UGT1A8: variants seen among roughly 807,000 people sequenced by gnomAD.
UGT1A8 encodes the protein UDP glucuronosyltransferase family 1 member A8.
UGT1A8 carries 39 observed loss-of-function variants against 45.3 expected under a neutral mutation model. The ratio of observed to expected loss-of-function variants is 0.86; its 90% CI spans 0.67 to 1.12. UGT1A8 has a LOEUF of 1.12. Ranked by LOEUF, UGT1A8 falls within the 50% of genes most tolerant of loss-of-function variation. UGT1A8 has a pLI of 0.00. For missense variants in UGT1A8, 719 were observed against 664.9 expected (o/e 1.08, Z -0.90); for synonymous variants, 275 against 249.2 (o/e 1.10, Z -0.97).
At chr2:233,666,948 C>T (rs2074091041) in intron 1 of UGT1A8, among the ~76,000 whole-genome samples, 2 of 152,242 alleles carry the variant, frequency 1.3e-5, no homozygotes, top group South Asian at 2.1e-4. Context: ...TGGTTTCCAG[C>T]TTCATCAATG....
intron 1 of UGT1A8, among the ~76,000 whole-genome samples, chr2:233,636,102 C>A (rs2073284505): frequency 6.6e-6 from 1 of 151,002 alleles, no homozygotes; most frequent in Admixed American, 6.7e-5. Flanking sequence ...ATGCCAATTT[C>A]TTTCTGGACA....
rs909756512 is a variant in UGT1A8 at position 233,724,934 on chromosome 2, C to T, written c.856-42100C>T. On this transcript the variant is annotated intron_variant, in intron 1 of 4. Coordinates refer to ENST00000373450, the MANE Select transcript of UGT1A8 (RefSeq NM_019076.5). ...ATTGAGCACTGAGTGAACGAGACTCCGTCTGCAATCCCGGCACCTCGGGAG... is the reference window on the plus strand; with the variant it reads ...ATTGAGCACTGAGTGAACGAGACTCTGTCTGCAATCCCGGCACCTCGGGAG... 1.0e-4 allele frequency among the ~76,000 whole-genome samples: 15 copies of T among 143,608 alleles called. 1 individual carries two copies. The highest frequency in any genetic ancestry group is 2.5e-4 in the South Asian group (1 of 4,034). 94.2% of individuals were successfully genotyped at this position (143,608 alleles called of 152,430 possible).
chr2:233,713,177 C>G, intron 1 of UGT1A8: 1 of 1,614,182 alleles, frequency 6.2e-7, no homozygotes, highest in Non-Finnish European at 8.5e-7. Context: ...TGGTCCTCAC[C>G]CTGGAGGTGA....
intron 1 of UGT1A8, chr2:233,750,587 G>A (rs1381403597): frequency 6.6e-6 from 1 of 151,948 alleles, no homozygotes; most frequent in East Asian, 1.9e-4. Flanking sequence ...AGGCCTGGAG[G>A]CCTAGGAAGG....
chr2:233,755,170 T>C (rs1240762958), intron 1 of UGT1A8: 2 of 1,262,070 alleles, frequency 1.6e-6, no homozygotes, highest in Non-Finnish European at 2.2e-6. Context: ...TCGGGGTTTT[T>C]GTCGGGGTGC....
Position 233,751,308 on chromosome 2 carries a change from C to T in UGT1A8, c.856-15726C>T, listed in dbSNP as rs184289670. ...CCCATTTGGAATGGGAATATTTACC[C>T]AATTTCTGTACCCCCATTGTGTCTT... On this transcript the variant is annotated intron_variant, in intron 1 of 4. Coordinates refer to ENST00000373450, the MANE Select transcript of UGT1A8 (RefSeq NM_019076.5). Among the ~76,000 whole-genome samples the T allele has an allele frequency of 1.2e-3, 189 of 152,106 alleles. 2 individuals carry two copies. Among genetic ancestry groups the T allele is most frequent in the African/African-American group, 4.3e-3 (176 of 41,336 alleles).
At chr2:233,689,405 C>T (rs1460955813) in intron 1 of UGT1A8, among the ~76,000 whole-genome samples, 1 of 152,192 alleles carries the variant, frequency 6.6e-6, no homozygotes, top group Non-Finnish European at 1.5e-5. Flanking sequence ...ACTTGAGACC[C>T]AATCTCTCTA....
chr2:233,766,941 CTT>C (rs1181613767), intron 1 of UGT1A8, 91 bp from the exon 2 acceptor site: 3 of 1,595,132 alleles, frequency 1.9e-6, no homozygotes, highest in African/African-American at 2.7e-5. Flanking sequence ...TAATCATAGT[CTT>C]AAGAGGAAGA....
intron 1 of UGT1A8, among the ~76,000 whole-genome samples, chr2:233,701,108 C>T (rs1258266340): frequency 1.3e-5 from 2 of 152,114 alleles, no homozygotes; most frequent in African/African-American, 4.8e-5. Flanking sequence ...TTTTCTTAAT[C>T]CAGTCTATCA....
intron 1 of UGT1A8, among the ~76,000 whole-genome samples, chr2:233,623,626 T>G (rs1409442399): frequency 6.6e-6 from 1 of 152,164 alleles, no homozygotes; most frequent in African/African-American, 2.4e-5. Flanking sequence ...CAGTAAAAAT[T>G]TTTTAATATT....
chr2:233,736,955 C>T (rs954996490), intron 1 of UGT1A8, among the ~76,000 whole-genome samples: 6 of 152,190 alleles, frequency 3.9e-5, no homozygotes, highest in African/African-American at 1.2e-4. Context: ...TCTGTTGGCC[C>T]CTACTGGGAG....
At chr2:233,746,544 A>G (rs1423478366) in intron 1 of UGT1A8, among the ~76,000 whole-genome samples, 1 of 151,624 alleles carries the variant, frequency 6.6e-6, no homozygotes, top group East Asian at 1.9e-4. Flanking sequence ...CTGCTGTGTG[A>G]CTTCTTAGCC....
intron 1 of UGT1A8, chr2:233,761,270 C>T (rs990068200): frequency 1.9e-6 from 3 of 1,591,968 alleles, no homozygotes; most frequent in Non-Finnish European, 2.6e-6. Context: ...AAAATGCCCT[C>T]TTTTGTTAAT....
chr2:233,748,002 G>T, intron 1 of UGT1A8: 1 of 1,613,500 alleles, frequency 6.2e-7, no homozygotes, highest in Non-Finnish European at 8.5e-7. Context: ...CTTTGTGATG[G>T]ATTACCCCAG....
chr2:233,665,062 T>G (rs2074044575), intron 1 of UGT1A8, among the ~76,000 whole-genome samples: 1 of 152,250 alleles, frequency 6.6e-6, no homozygotes, highest in Non-Finnish European at 1.5e-5. Flanking sequence ...AATTATTTTA[T>G]GCATATGCAG....
At chr2:233,648,236 A>G in intron 1 of UGT1A8, 3 of 626,848 alleles carry the variant, frequency 4.8e-6, no homozygotes, top group Non-Finnish European at 8.2e-6. Context: ...AAATTAGTAG[A>G]ATACTTAAAG....
intron 1 of UGT1A8, among the ~76,000 whole-genome samples, chr2:233,724,264 C>A (rs1250827727): frequency 1.7e-5 from 2 of 116,566 alleles, no homozygotes; most frequent in East Asian, 2.8e-4. Flanking sequence ...ACCTCCCGGA[C>A]GGGGCGGCTG....
At chr2:233,771,979 G>A (rs35456228) in intron 4 of UGT1A8, among the ~76,000 whole-genome samples, 135 of 152,326 alleles carry the variant, frequency 8.9e-4, no homozygotes, top group African/African-American at 3.2e-3. Context: ...GCCAGACATA[G>A]TGGTGCATGA....
chr2:233,680,229 CA>C (rs1334647558), intron 1 of UGT1A8, among the ~76,000 whole-genome samples: 1 of 152,026 alleles, frequency 6.6e-6, no homozygotes, highest in Non-Finnish European at 1.5e-5. Context: ...TGGTGGTATT[CA>C]AGGTTTAAAA....
Sources: allele counts gnomAD v4.1 joint callset (sites outside exome capture counted in the v4.1 genomes callset), GRCh38; gene constraint gnomAD v4.1.1; transcripts MANE v1.5; gene names NCBI Gene and HGNC (gene_info 2026-07-23, HGNC 2026-07-21).